TYMP: variants seen among roughly 807,000 people sequenced by gnomAD.
TYMP encodes thymidine phosphorylase, also known as gliostatin.
TYMP carries 46 observed loss-of-function variants against 42.3 expected under a neutral mutation model. That is an observed-to-expected ratio of 1.09 (90% CI 0.86 to 1.39). The LOEUF is 1.39. TYMP is among the 40% of genes most tolerant of loss of function. TYMP has a pLI of 0.00. For missense variants in TYMP, 837 were observed against 677.6 expected (o/e 1.24, Z -2.61); for synonymous variants, 363 against 308.0 (o/e 1.18, Z -1.87).
rs760974151 is a variant in TYMP at position 50,525,851 on chromosome 22, C to T, written c.1368G>A (p.Gln456=). 25 of 1,604,838 alleles carry T rather than the reference C, an allele frequency of 1.6e-5. No homozygotes were observed. Among genetic ancestry groups the T allele is most frequent in the Non-Finnish European group, 2.0e-5 (24 of 1,176,288 alleles). The change falls in exon 10 of 10, where the codon CAG becomes CAA. Residue 456 remains glutamine, a synonymous_variant. Coordinates refer to ENST00000252029, the MANE Select transcript of TYMP (RefSeq NM_001953.5). ...ALSGPQSRAL[Q]EALVLSDRAP... Reference sequence around the variant, plus strand: ...CGCGGTCGGAGAGTACGAGCGCCTCCTGCAGGGCGCGGCTCTGCGGGCCGC... The same window carrying T: ...CGCGGTCGGAGAGTACGAGCGCCTCTTGCAGGGCGCGGCTCTGCGGGCCGC...
In TYMP at chr22:50,526,566, T is replaced by TC. The variant is rs2148678492; in HGVS notation, c.928+9dup. ...GCCGCCTCCGCTCCCCTACACCCCG[T>TC]CCCCCTCACCGAGCGTGGTGACCAG... On this transcript the variant is annotated intron_variant, in intron 7 of 9. Transcript: ENST00000252029. 1.0e-5 allele frequency: 16 copies of TC among 1,564,894 alleles called. No homozygotes were observed. Among genetic ancestry groups the TC allele is most frequent in the Non-Finnish European group, 1.4e-5 (16 of 1,156,110 alleles).
intron 2 of TYMP, 46 bp downstream of exon 2, chr22:50,529,450 C>T: frequency 6.2e-7 from 1 of 1,608,804 alleles, no homozygotes; most frequent in East Asian, 2.2e-5. Flanking sequence ...GTCTCTCGGG[C>T]TGACCTCCCA....
Position 50,529,405 on chromosome 22 carries a change from G to C in TYMP, c.215-67C>G, listed in dbSNP as rs1314209738. Reference sequence around the variant, plus strand: ...GTGGGGCACCCTGGGGCCGGTGCTGGTAGTGGGGCACCGTCGCACCCCCAG... The same window carrying C: ...GTGGGGCACCCTGGGGCCGGTGCTGCTAGTGGGGCACCGTCGCACCCCCAG... On this transcript the variant is annotated intron_variant, in intron 2 of 9. Coordinates refer to ENST00000252029, the MANE Select transcript of TYMP (RefSeq NM_001953.5). 19 of 1,603,408 alleles carry C rather than the reference G, an allele frequency of 1.2e-5. No homozygotes were observed. The Admixed American group carries it at 1.8e-4, about 15-fold the overall frequency.
rs2069339975 is a variant in TYMP, at chr22:50,525,933, G to A, written c.1301-15C>T. ...CCAGGGGGTCCCTGCAGAGCGAGGGGCTGTTAGAGGCCGCGCGGCCGGAGC... is the reference window on the plus strand; with the variant it reads ...CCAGGGGGTCCCTGCAGAGCGAGGGACTGTTAGAGGCCGCGCGGCCGGAGC... On this transcript the variant is annotated splice_polypyrimidine_tract_variant and intron_variant, in intron 9 of 9. Transcript: ENST00000252029. The A allele has an allele frequency of 6.9e-7, 1 of 1,441,924 alleles. No homozygotes were observed. Among genetic ancestry groups the A allele is most frequent in the Non-Finnish European group, 9.1e-7 (1 of 1,104,068 alleles). The allele number at this position is 1,441,924 out of a possible 1,614,324, so 89.3% of individuals were successfully genotyped here.
intron 3 of TYMP, chr22:50,528,851 C>T: frequency 1.6e-6 from 1 of 613,454 alleles, no homozygotes; most frequent in Non-Finnish European, 2.9e-6. Context: ...AAGTCCTCAG[C>T]TCCTCCCTTG....
chr22:50,527,773 T>C, intron 4 of TYMP, 56 bp from the exon 5 acceptor site: 2 of 395,044 alleles, frequency 5.1e-6, no homozygotes, highest in Admixed American at 8.2e-5. Context: ...AGCAGCTTTT[T>C]TTTTTTTTTT....
In TYMP at chr22:50,526,405, G is replaced by T. The variant is rs1481929212; in HGVS notation, c.1000C>A (p.Leu334Met). 3 of 1,516,656 alleles carry T rather than the reference G, an allele frequency of 2.0e-6. No homozygotes were observed. The highest frequency in any genetic ancestry group is 2.6e-6 in the Non-Finnish European group (3 of 1,142,250). 93.9% of individuals were successfully genotyped at this position (1,516,656 alleles called of 1,614,324 possible). A position where few individuals can be genotyped will look rare whatever the true frequency, so the allele number is the denominator to read the frequency against. The change falls in exon 8 of 10, where the codon CTG becomes ATG. Residue 334 changes from leucine (L) to methionine (M), a missense_variant. Physicochemically the swap from Leu to Met is conservative, Grantham distance 15 (BLOSUM62 2). Transcript: ENST00000252029. ...AQGAARVAAA[L>M]DDGSALGRFE... is the part of the protein sequence containing the mutation. ...CGGCCAAGGGCCGAGCCGTCGTCCA[G>T]CGCCGCGGCCACCCGGGCAGCGCCC...
chr22:50,529,785 C>T (rs1425037094), intron 1 of TYMP, 66 bp from the exon 2 acceptor site: 3 of 1,358,122 alleles, frequency 2.2e-6, no homozygotes, highest in Admixed American at 2.1e-5. Context: ...GCCACGTGCT[C>T]CTGTCCCGAC....
intron 2 of TYMP, 78 bp from the exon 3 acceptor site, chr22:50,529,416 C>T (rs1275721475): frequency 1.2e-6 from 2 of 1,604,646 alleles, no homozygotes; most frequent in East Asian, 2.2e-5. Flanking sequence ...TAGTGGGGCA[C>T]CGTCGCACCC....
At chr22:50,526,547 T>G in intron 7 of TYMP, 29 bp downstream of exon 7, 1 of 1,520,600 alleles carries the variant, frequency 6.6e-7, no homozygotes, top group Non-Finnish European at 8.9e-7. Context: ...CCCCGCCGCC[T>G]CCGCTCCCCT....
chr22:50,527,484 G>C, intron 5 of TYMP, 104 bp downstream of exon 5: 1 of 1,565,268 alleles, frequency 6.4e-7, no homozygotes, highest in Non-Finnish European at 8.8e-7. Flanking sequence ...GGGTAGGGGG[G>C]CACACGGTCA....
In TYMP at chr22:50,529,429, A is replaced by G; in HGVS notation, c.214+67T>C. On this transcript the variant is annotated intron_variant, in intron 2 of 9. Transcript: ENST00000252029. ...GGTAGTGGGGCACCGTCGCACCCCCAGGGACCCAAAGTCTCTCGGGCTGAC... is the reference window on the plus strand; with the variant it reads ...GGTAGTGGGGCACCGTCGCACCCCCGGGGACCCAAAGTCTCTCGGGCTGAC... 3.1e-6 allele frequency: 5 copies of G among 1,606,490 alleles called. No homozygotes were observed. In the South Asian group the frequency reaches 3.3e-5, roughly 11 times the overall value.
intron 3 of TYMP, 195 bp from the exon 4 acceptor site, chr22:50,528,805 G>C (rs1479592740): frequency 1.6e-6 from 1 of 638,644 alleles, no homozygotes; most frequent in East Asian, 2.7e-5. Flanking sequence ...GTTGGTACCT[G>C]TCCTTGGGGA....
rs1369531853 is a variant in TYMP at position 50,529,110 on chromosome 22, C to CGGG, written c.417+25_417+26insCCC. 9.3e-6 allele frequency: 15 copies of CGGG among 1,611,754 alleles called. No individual in the cohort carries two copies. The Admixed American group carries it at 2.5e-4, about 27-fold the overall frequency. ...TTGCTGCATGTGCGGTATAGGCTCC[C>CGGG]GTCTGGAAAGGAGGTGGTTTCTAAC... On this transcript the variant is annotated intron_variant, in intron 3 of 9. Transcript: ENST00000252029.
chr22:50,528,696 G>T, intron 3 of TYMP, 86 bp from the exon 4 acceptor site: 2 of 1,083,470 alleles, frequency 1.8e-6, no homozygotes, highest in Non-Finnish European at 1.4e-6. Flanking sequence ...TAGGAGTGCA[G>T]CTGGATTTGG....
Position 50,526,648 on chromosome 22 carries a change from C to T in TYMP, c.856G>A (p.Glu286Lys), listed in dbSNP as rs866001342. Reference sequence around the variant, plus strand: ...ATGCAGAGCAGCGCCTCCTCCACCTCCAGGGCGTGGCCCACGCAGCGACCC... The same window carrying T: ...ATGCAGAGCAGCGCCTCCTCCACCTTCAGGGCGTGGCCCACGCAGCGACCC... ...PLGRCVGHALEVEEALLCMDG... is the reference protein window; with the variant it reads ...PLGRCVGHALKVEEALLCMDG... The change falls in exon 7 of 10, where the codon GAG becomes AAG. Residue 286 changes from glutamate to lysine, a missense_variant. By Grantham distance (56) the Glu-to-Lys change is moderately conservative (BLOSUM62 1). Transcript: ENST00000252029. 10 of 1,565,024 alleles carry T rather than the reference C, an allele frequency of 6.4e-6. No homozygotes were observed. Among genetic ancestry groups the T allele is most frequent in the Non-Finnish European group, 8.6e-6 (10 of 1,157,114 alleles).
rs1439442965 is a variant in TYMP, at chr22:50,527,216, C to G, written c.714G>C (p.Gly238=). 1 of 1,613,558 alleles carries G rather than the reference C, an allele frequency of 6.2e-7. No homozygotes were observed. The highest frequency in any genetic ancestry group is 1.7e-5 in the Admixed American group (1 of 60,012). ...GCTCCTGGTTGGGGAAGACGGCGGC[C>G]CCTCCGAACTTAACGTCCACCACCA... The part of the protein sequence containing the change: ...SALVVDVKFG[G]AAVFPNQEQA... Residue 238 remains glycine (G), a synonymous_variant, in exon 6 of 10, where the codon GGG becomes GGC. Transcript: ENST00000252029.
rs1306292615 is a variant in TYMP at position 50,529,124 on chromosome 22, G to A, written c.417+12C>T. 6.2e-7 allele frequency: 1 copy of A among 1,612,770 alleles called. No homozygotes were observed. The highest frequency in any genetic ancestry group is 8.5e-7 in the Non-Finnish European group (1 of 1,179,908). On this transcript the variant is annotated intron_variant, in intron 3 of 9. Transcript: ENST00000252029. The stretch of plus-strand genomic sequence containing the variant: ...GTATAGGCTCCCGTCTGGAAAGGAG[G>A]TGGTTTCTAACCTTGCAGCCACATG...
Position 50,527,736 on chromosome 22 carries a change from T to G in TYMP, c.517-19A>C. ...CTTGCATCTGGTCAGACATCCCCTG[T>G]TCTCAGTGACTTATGGTAAATGACT... On this transcript the variant is annotated intron_variant, in intron 4 of 9. Transcript: ENST00000252029. 1 of 1,605,424 alleles carries G rather than the reference T, an allele frequency of 6.2e-7. No homozygotes were observed. Among genetic ancestry groups the G allele is most frequent in the African/African-American group, 1.3e-5 (1 of 74,478 alleles).
Sources: allele counts gnomAD v4.1 joint callset, GRCh38; gene constraint gnomAD v4.1.1; transcripts MANE v1.5; gene names NCBI Gene and HGNC (gene_info 2026-07-23, HGNC 2026-07-21).